Variants in PAX7 observed in about 807,000 individuals in gnomAD.
The protein encoded by PAX7 is paired box 7.
In PAX7, 18 loss-of-function variants were observed where a neutral mutation model predicts 50.7. The observed-to-expected ratio is 0.36, with a 90% CI of 0.25 to 0.53. PAX7 has a LOEUF of 0.53. Ranked by LOEUF, PAX7 falls within the 20% of genes least tolerant of loss-of-function variation. The probability of loss-of-function intolerance (pLI) is 0.93; values close to 1 mark genes in which losing one functional copy is unlikely to be tolerated. For synonymous variants in PAX7, 310 were observed against 290.4 expected (o/e 1.07, Z -0.69); for missense variants, 644 against 702.9 (o/e 0.92, Z 0.95).
At chr1:18,658,982 ATG>A (rs969700019) in intron 4 of PAX7, among the ~76,000 whole-genome samples, 2 of 151,930 alleles carry the variant, frequency 1.3e-5, no homozygotes, top group African/African-American at 2.4e-5. Context: ...ACACATATGT[ATG>A]TGTGTGTTGT....
At chr1:18,707,665 T>A (rs1362044148) in intron 7 of PAX7, among the ~76,000 whole-genome samples, 2 of 152,164 alleles carry the variant, frequency 1.3e-5, no homozygotes, top group African/African-American at 4.8e-5. Flanking sequence ...CCTCAAGTGA[T>A]CCACCCACCT....
intron 4 of PAX7, among the ~76,000 whole-genome samples, chr1:18,661,388 C>T (rs1238259289): frequency 6.6e-6 from 1 of 152,198 alleles, no homozygotes; most frequent in Non-Finnish European, 1.5e-5. Context: ...CCACCCCAAA[C>T]TTGCCTTTGG....
At chr1:18,679,677 T>A (rs957258475) in intron 4 of PAX7, among the ~76,000 whole-genome samples, 2 of 152,102 alleles carry the variant, frequency 1.3e-5, no homozygotes, top group African/African-American at 4.8e-5. Context: ...CCAGGACAGA[T>A]TTCTGGGAAA....
Position 18,634,003 on chromosome 1 carries a change from C to T in PAX7, c.86-300C>T, listed in dbSNP as rs960342324. ...TCTCCCTCCCCTTCTTAGCAGCATT[C>T]GAATCCCCCAGGTGTGTCCTCATCC... On this transcript the variant is annotated intron_variant, in intron 1 of 8. Transcript: ENST00000420770. The surrounding 1 kb of genome is among the most constrained non-coding windows in gnomAD (Gnocchi z 4.0). Among the ~76,000 whole-genome samples, 5 of 152,318 alleles carry T rather than the reference C, an allele frequency of 3.3e-5. No homozygotes were observed. Among genetic ancestry groups the T allele is most frequent in the East Asian group, 1.9e-4 (1 of 5,176 alleles).
At position 18,700,578 on chromosome 1, in the gene PAX7, T is replaced by C; in HGVS notation, c.787-75T>C. The C allele has an allele frequency of 7.4e-7, 1 of 1,354,138 alleles. No homozygotes were observed. The highest frequency in any genetic ancestry group is 9.8e-7 in the Non-Finnish European group (1 of 1,018,084). 83.9% of individuals were successfully genotyped at this position (1,354,138 alleles called of 1,614,324 possible). On this transcript the variant is annotated intron_variant, in intron 5 of 8. Transcript: ENST00000420770. The surrounding 1 kb of genome is among the most constrained non-coding windows in gnomAD (Gnocchi z 4.8). ...ATCAGAGGGTGATGGCTTGGGCAAC[T>C]GGGTCTACATGTGTTGCAGCTCTCT... is the stretch of plus-strand genomic sequence containing the variant.
chr1:18,646,900 G>A lies in PAX7; in HGVS notation c.586+10529G>A, dbSNP rs908457297. 2.6e-4 allele frequency among the ~76,000 whole-genome samples: 39 copies of A among 147,504 alleles called. 1 individual carries two copies. The highest frequency in any genetic ancestry group is 9.5e-4 in the African/African-American group (38 of 40,042). ...GGCGCGGGGCGGCGCGGCGCGGGGG[G>A]AGCGGCCCGCCCGCGCCCGGGCTAT... is the stretch of plus-strand genomic sequence containing the variant. On this transcript the variant is annotated intron_variant, in intron 4 of 8. Coordinates refer to ENST00000420770, the MANE Select transcript of PAX7 (RefSeq NM_001135254.2).
At chr1:18,689,649 C>A (rs989710936) in intron 4 of PAX7, among the ~76,000 whole-genome samples, 1 of 152,230 alleles carries the variant, frequency 6.6e-6, no homozygotes, top group African/African-American at 2.4e-5. Context: ...GGGCCCAGGG[C>A]AGAGAGGCAT....
intron 7 of PAX7, among the ~76,000 whole-genome samples, chr1:18,724,428 G>T (rs1225032789): frequency 1.3e-5 from 2 of 152,264 alleles, no homozygotes; most frequent in African/African-American, 4.8e-5. Context: ...GGGCATGGTA[G>T]CTCAAACCCT....
intron 7 of PAX7, among the ~76,000 whole-genome samples, chr1:18,729,084 A>C (rs1378387363): frequency 6.6e-6 from 1 of 152,198 alleles, no homozygotes; most frequent in Non-Finnish European, 1.5e-5. Flanking sequence ...GGGCTGCCAC[A>C]GGTCATCTCC....
At chr1:18,710,614 G>C (rs1409177927) in intron 7 of PAX7, among the ~76,000 whole-genome samples, 1 of 151,956 alleles carries the variant, frequency 6.6e-6, no homozygotes, top group East Asian at 1.9e-4. Context: ...TCCTGATATT[G>C]GAAGGTTTTG....
At chr1:18,637,822 G>T (rs1415843334) in intron 4 of PAX7, among the ~76,000 whole-genome samples, 1 of 152,258 alleles carries the variant, frequency 6.6e-6, no homozygotes, top group Non-Finnish European at 1.5e-5. Flanking sequence ...TCCCGCCCGG[G>T]ACAAAAGGGC....
At chr1:18,717,566 G>C (rs1053111222) in intron 7 of PAX7, among the ~76,000 whole-genome samples, 2 of 152,150 alleles carry the variant, frequency 1.3e-5, no homozygotes, top group African/African-American at 2.4e-5. Context: ...GTGGTGGCCA[G>C]GCCCCCTCCC....
chr1:18,702,999 G>A (rs1165664473), intron 6 of PAX7, 95 bp from the exon 7 acceptor site: 4 of 1,124,664 alleles, frequency 3.6e-6, no homozygotes, highest in Admixed American at 2.1e-5. Context: ...AATGGAGACC[G>A]GGAGGAGGAG....
intron 4 of PAX7, among the ~76,000 whole-genome samples, chr1:18,687,903 G>A (rs2089000475): frequency 6.6e-6 from 1 of 152,094 alleles, no homozygotes; most frequent in African/African-American, 2.4e-5. Context: ...GGAGTGGGAG[G>A]GACAAGGAGA....
At position 18,636,291 on chromosome 1, in the gene PAX7, A is replaced by C; in HGVS notation, c.506A>C (p.Glu169Ala). The C allele has an allele frequency of 1.2e-6, 2 of 1,614,182 alleles. No individual in the cohort carries two copies. Among genetic ancestry groups the C allele is most frequent in the Non-Finnish European group, 1.7e-6 (2 of 1,180,004 alleles). Residue 169 changes from glutamate to alanine, a missense_variant, in exon 4 of 9, where the codon GAG becomes GCG. Physicochemically the swap from Glu to Ala is moderately radical, Grantham distance 107. Coordinates refer to ENST00000420770, the MANE Select transcript of PAX7 (RefSeq NM_001135254.2). This position sits in a 1 kb window ranked among gnomAD's most constrained non-coding sequence, Gnocchi z 5.1. ...VLRIKFGKKEEEDEADKKEDD... is the reference protein window; with the variant it reads ...VLRIKFGKKEAEDEADKKEDD... The stretch of plus-strand genomic sequence containing the variant: ...AGAATCAAGTTCGGGAAGAAAGAGG[A>C]GGAGGATGAAGCGGACAAGAAGGAG...
rs1274561612 is a variant in PAX7 at position 18,747,948 on chromosome 1, C to G, written c.*3019C>G. The G allele has an allele frequency of 5.0e-6, 1 of 198,556 alleles. No homozygotes were observed. Among genetic ancestry groups the G allele is most frequent in the Non-Finnish European group, 1.0e-5 (1 of 96,108 alleles). 12.3% of individuals were successfully genotyped at this position (198,556 alleles called of 1,614,324 possible). A position where few individuals can be genotyped will look rare whatever the true frequency, so the allele number is the denominator to read the frequency against. ...TCTAGTGGGTTCTTTCAATCTTGTT[C>G]CTTTATTTTTTTCATTTGGTATTTC... is the stretch of plus-strand genomic sequence containing the variant. On this transcript the variant is annotated 3_prime_UTR_variant, in exon 9 of 9. Transcript: ENST00000420770.
At chr1:18,711,267 G>A (rs1203078800) in intron 7 of PAX7, among the ~76,000 whole-genome samples, 2 of 152,174 alleles carry the variant, frequency 1.3e-5, no homozygotes, top group East Asian at 3.9e-4. Context: ...GAAAACAGGG[G>A]TAATCATTGC....
intron 4 of PAX7, among the ~76,000 whole-genome samples, chr1:18,642,593 G>A (rs966599459): frequency 2.0e-5 from 3 of 152,184 alleles, no homozygotes; most frequent in African/African-American, 7.2e-5. Context: ...GGGAAGATTA[G>A]GATGCCCCCC....
chr1:18,735,573 G>A lies in PAX7; in HGVS notation c.1156-59G>A. On this transcript the variant is annotated intron_variant, in intron 7 of 8. Transcript: ENST00000420770. The surrounding 1 kb of genome is among the most constrained non-coding windows in gnomAD (Gnocchi z 4.0). ...GGGCCAGCCTGGCATTGTGCCCAGT[G>A]TGCTCGTGTCTCTGGGGTCTGTCCG... The A allele has an allele frequency of 6.4e-7, 1 of 1,562,204 alleles. No individual in the cohort carries two copies. The highest frequency in any genetic ancestry group is 8.7e-7 in the Non-Finnish European group (1 of 1,148,686).
Sources: allele counts gnomAD v4.1 joint callset (sites outside exome capture counted in the v4.1 genomes callset), GRCh38; gene constraint gnomAD v4.1.1; non-coding constraint Gnocchi (gnomAD v3.1); transcripts MANE v1.5; gene names NCBI Gene and HGNC (gene_info 2026-07-23, HGNC 2026-07-21).